The following NEBL variants were observed in gnomAD, a reference collection of about 807,000 sequenced individuals.
The protein encoded by NEBL is LIM and SH3 protein 2.
In NEBL, 122 loss-of-function variants were observed where a neutral mutation model predicts 140.2. The observed-to-expected ratio is 0.87, with a 90% confidence interval of 0.75 to 1.01. NEBL has a LOEUF of 1.01. NEBL is among the 50% of genes least tolerant of loss of function. NEBL has a pLI of 0.00. For synonymous variants in NEBL, 436 were observed against 398.9 expected, an observed-to-expected ratio of 1.09 and a Z score of -1.11; for missense variants, 1,365 against 1,231.3, an observed-to-expected ratio of 1.11 and a Z score of -1.62.
At chr10:20,858,694 G>C (rs137923638) in intron 8 of NEBL, among the ~76,000 whole-genome samples, 179 of 152,278 alleles carry the variant, frequency 1.2e-3, no homozygotes, top group African/African-American at 4.1e-3. Context: ...GCTTTGTGGA[G>C]ATCTGAGGAT....
At chr10:20,795,853 A>T (rs894325119) in intron 26 of NEBL, among the ~76,000 whole-genome samples, 2 of 152,226 alleles carry the variant, frequency 1.3e-5, no homozygotes, top group African/African-American at 4.8e-5. Context: ...TGAAAGATTT[A>T]GTTGAAAATA....
At chr10:21,101,683 T>C (rs1008328283) in intron 2 of NEBL, among the ~76,000 whole-genome samples, 3 of 152,202 alleles carry the variant, frequency 2.0e-5, no homozygotes, top group Non-Finnish European at 4.4e-5. Context: ...AAATACTATG[T>C]ACCCCCACAA....
At chr10:21,050,006 C>T (rs1347346172) in intron 2 of NEBL, among the ~76,000 whole-genome samples, 2 of 152,170 alleles carry the variant, frequency 1.3e-5, no homozygotes, top group African/African-American at 4.8e-5. Flanking sequence ...TACTGAAGAG[C>T]ATAGGATTTG....
intron 3 of NEBL, among the ~76,000 whole-genome samples, chr10:21,203,096 T>C (rs1225090092): frequency 6.6e-6 from 1 of 152,254 alleles, no homozygotes; most frequent in Non-Finnish European, 1.5e-5. Context: ...TCTATTCTCT[T>C]GGAGATTCCT....
intron 5 of NEBL, among the ~76,000 whole-genome samples, chr10:20,873,243 C>T (rs938087368): frequency 3.3e-5 from 5 of 152,006 alleles, no homozygotes; most frequent in Non-Finnish European, 5.9e-5. Context: ...AAATTCAAAC[C>T]CTAAATGCTA....
chr10:21,221,514 C>CT (rs1554833622), intron 3 of NEBL, among the ~76,000 whole-genome samples: 30 of 148,636 alleles, frequency 2.0e-4, no homozygotes, highest in East Asian at 1.2e-3. Context: ...TTCTTTCTTT[C>CT]TTTTTTTTTT....
At chr10:20,882,615 T>G (rs1846124586) in intron 4 of NEBL, among the ~76,000 whole-genome samples, 1 of 152,136 alleles carries the variant, frequency 6.6e-6, no homozygotes, top group African/African-American at 2.4e-5. Context: ...CTTGTGAGCT[T>G]AAACTCTTCA....
At position 21,029,583 on chromosome 10, in the gene NEBL, A is replaced by G. The variant is rs535097378; in HGVS notation, c.165-9382T>C. The G allele has an allele frequency of 3.7e-5, 59 of 1,591,810 alleles. No individual in the cohort carries two copies. In the East Asian group the frequency reaches 1.2e-3, roughly 33 times the overall value. ...ATAGAAATCGGGATTCTGACAAAAC[A>G]GATACAGACTGGAGGGCTCGTTCTG... is the stretch of plus-strand genomic sequence containing the variant. On this transcript the variant is annotated intron_variant, in intron 2 of 6. Coordinates refer to the NEBL transcript ENST00000417816.
chr10:20,823,810 A>T (rs1163688275), intron 18 of NEBL, among the ~76,000 whole-genome samples: 1 of 152,162 alleles, frequency 6.6e-6, no homozygotes, highest in East Asian at 1.9e-4. Flanking sequence ...GAAAAAAATA[A>T]AGTGAGCACA....
At chr10:20,991,835 T>G (rs1837470310) in intron 3 of NEBL, among the ~76,000 whole-genome samples, 1 of 147,758 alleles carries the variant, frequency 6.8e-6, no homozygotes, top group Non-Finnish European at 1.5e-5. Flanking sequence ...TACTCAGCAT[T>G]TAGCTCCCAC....
intron 3 of NEBL, among the ~76,000 whole-genome samples, chr10:21,187,576 T>C (rs948962552): frequency 1.3e-5 from 2 of 152,048 alleles, no homozygotes; most frequent in African/African-American, 2.4e-5. Flanking sequence ...TGCAGTAGCA[T>C]GATCACGGCT....
At chr10:20,968,044 A>G (rs943748887) in intron 3 of NEBL, among the ~76,000 whole-genome samples, 4 of 152,204 alleles carry the variant, frequency 2.6e-5, no homozygotes, top group Non-Finnish European at 4.4e-5. Context: ...CGTAAATGGC[A>G]GGTGAGCTAG....
intron 2 of NEBL, among the ~76,000 whole-genome samples, chr10:21,080,751 T>C (rs547945815): frequency 6.6e-6 from 1 of 152,318 alleles, no homozygotes; most frequent in Admixed American, 6.5e-5. Context: ...AATGCAACTT[T>C]GATGGAATGA....
intron 1 of NEBL, among the ~76,000 whole-genome samples, chr10:21,253,309 G>T (rs950967314): frequency 1.3e-5 from 2 of 152,136 alleles, no homozygotes; most frequent in African/African-American, 4.8e-5. Context: ...AGAGACTACT[G>T]ACTGTGGAGT....
At chr10:21,136,280 C>G (rs1015718847) in intron 2 of NEBL, among the ~76,000 whole-genome samples, 2 of 152,196 alleles carry the variant, frequency 1.3e-5, no homozygotes, top group African/African-American at 4.8e-5. Context: ...TAAGAAAGCC[C>G]CAAATACAAC....
intron 2 of NEBL, among the ~76,000 whole-genome samples, chr10:21,119,590 A>C (rs1260830107): frequency 1.3e-5 from 2 of 151,612 alleles, no homozygotes. Flanking sequence ...TGTTTTAGAT[A>C]ATTTACATGT....
upstream of NEBL, among the ~76,000 whole-genome samples, chr10:21,177,994 C>G (rs1052428231): frequency 1.3e-5 from 2 of 152,168 alleles, no homozygotes; most frequent in African/African-American, 4.8e-5. Flanking sequence ...CTAGCTGACT[C>G]AAATTCACCG....
intron 10 of NEBL, 63 bp from the exon 11 acceptor site, chr10:20,850,565 GA>G (rs1842409026): frequency 4.7e-6 from 5 of 1,058,062 alleles, no homozygotes; most frequent in Non-Finnish European, 7.3e-6. Flanking sequence ...AGCAAACTAA[GA>G]AAAAATATAT....
In NEBL at chr10:20,852,923, C is replaced by G. The variant is rs703090; in HGVS notation, c.904-274G>C. On this transcript the variant is annotated intron_variant, in intron 9 of 27. Coordinates refer to ENST00000377122, the MANE Select transcript of NEBL (RefSeq NM_006393.3). ...ATGTAAAGGATATTCACAACACCAG[C>G]GTGTGGCAACGGAAAGCTAGCGCTA... Among the ~76,000 whole-genome samples, 146,492 of 152,326 alleles carry G rather than the reference C, an allele frequency of 0.96. 70,627 individuals carry two copies. The highest frequency in any genetic ancestry group is 1 in the Middle Eastern group (294 of 294).
Sources: allele counts gnomAD v4.1 joint callset (sites outside exome capture counted in the v4.1 genomes callset), GRCh38; gene constraint gnomAD v4.1.1; transcripts MANE v1.5; gene names NCBI Gene and HGNC (gene_info 2026-07-23, HGNC 2026-07-21).